Variants in SPAG16 observed in about 807,000 individuals in gnomAD.
SPAG16 encodes the protein sperm associated antigen 16, also known as sperm-associated antigen 16 protein.
Under a neutral mutation model 80.4 loss-of-function variants are expected in SPAG16, and 86 were observed. The ratio of observed to expected loss-of-function variants is 1.07; its 90% CI spans 0.90 to 1.28. The LOEUF (loss-of-function observed/expected upper bound fraction) is 1.28, where lower values mean the gene tolerates loss of function less well. Ranked by LOEUF, SPAG16 falls within the 50% of genes most tolerant of loss-of-function variation. The probability of loss-of-function intolerance (pLI) is 0.00; values close to 1 mark genes in which losing one functional copy is unlikely to be tolerated. For synonymous variants in SPAG16, 294 were observed against 265.9 expected, an observed-to-expected ratio of 1.11 and a Z score of -1.03; for missense variants, 870 against 765.3, an observed-to-expected ratio of 1.14 and a Z score of -1.61.
At chr2:213,371,262 A>T (rs1426516686) in intron 8 of SPAG16, among the ~76,000 whole-genome samples, 2 of 151,928 alleles carry the variant, frequency 1.3e-5, no homozygotes, top group African/African-American at 2.4e-5. Flanking sequence ...AAAATTAGCT[A>T]GGCATGATGG....
At chr2:214,220,723 CA>C in intron 15 of SPAG16, among the ~76,000 whole-genome samples, 1 of 152,242 alleles carries the variant, frequency 6.6e-6, no homozygotes, top group South Asian at 2.1e-4. Flanking sequence ...AATAAACCCC[CA>C]ACAAGTATTT....
At chr2:213,904,140 C>A (rs1417246653) in intron 11 of SPAG16, among the ~76,000 whole-genome samples, 1 of 152,214 alleles carries the variant, frequency 6.6e-6, no homozygotes, top group African/African-American at 2.4e-5. Context: ...GTTCCAACCT[C>A]TGCCTGTTAC....
At chr2:213,781,380 TAAAATA>T (rs2069954697) in intron 10 of SPAG16, among the ~76,000 whole-genome samples, 1 of 152,140 alleles carries the variant, frequency 6.6e-6, no homozygotes, top group African/African-American at 2.4e-5. Context: ...ATTACCTTGA[TAAAATA>T]AAAAGAAAAG....
chr2:213,293,666 C>T (rs146197804), intron 1 of SPAG16, among the ~76,000 whole-genome samples: 5 of 152,274 alleles, frequency 3.3e-5, no homozygotes, highest in African/African-American at 1.2e-4. Context: ...TCTAATTCTC[C>T]TGTTATTTTG....
At chr2:214,102,301 A>C (rs1229207117) in intron 13 of SPAG16, among the ~76,000 whole-genome samples, 1 of 152,082 alleles carries the variant, frequency 6.6e-6, no homozygotes, top group East Asian at 1.9e-4. Flanking sequence ...TAAGGAGAAA[A>C]ATTCATGAAG....
At chr2:214,207,494 C>T (rs2058175438) in intron 15 of SPAG16, among the ~76,000 whole-genome samples, 1 of 152,152 alleles carries the variant, frequency 6.6e-6, no homozygotes, top group Non-Finnish European at 1.5e-5. Flanking sequence ...GCTAGCAGTG[C>T]TGATCTATCT....
chr2:213,705,000 C>A (rs1310140770), intron 10 of SPAG16, among the ~76,000 whole-genome samples: 3 of 152,258 alleles, frequency 2.0e-5, no homozygotes, highest in Middle Eastern at 3.4e-3. Flanking sequence ...CGCCTGTAAT[C>A]CCAGCACTTT....
intron 11 of SPAG16, among the ~76,000 whole-genome samples, chr2:213,890,190 T>C (rs1453785697): frequency 6.6e-6 from 1 of 152,026 alleles, no homozygotes; most frequent in Non-Finnish European, 1.5e-5. Flanking sequence ...TTTTAGAAAA[T>C]TTCTAAGCTA....
chr2:213,344,196 C>T (rs1321036984), intron 6 of SPAG16, among the ~76,000 whole-genome samples: 2 of 151,998 alleles, frequency 1.3e-5, no homozygotes, highest in African/African-American at 4.8e-5. Flanking sequence ...ATTAAATAGC[C>T]AGGGGTAATT....
rs1201430323 is a variant in SPAG16, at chr2:214,253,561, A to G, written c.1720+104295A>G. Among the ~76,000 whole-genome samples the G allele has an allele frequency of 3.3e-5, 5 of 152,280 alleles. No individual in the cohort carries two copies. In the East Asian group the frequency reaches 7.7e-4, roughly 23 times the overall value. ...CCCAACACCATTTATTAAATAGGGA[A>G]TCCTTTCCCCATTGCTTGTTTCTGT... On this transcript the variant is annotated intron_variant, in intron 15 of 15. Transcript: ENST00000331683.
At chr2:213,489,498 A>G (rs1327176674) in intron 9 of SPAG16, among the ~76,000 whole-genome samples, 1 of 152,010 alleles carries the variant, frequency 6.6e-6, no homozygotes, top group Non-Finnish European at 1.5e-5. Flanking sequence ...ATTTAAAAAG[A>G]AAATCATAAT....
At chr2:214,004,574 A>G (rs2046942216) in intron 12 of SPAG16, among the ~76,000 whole-genome samples, 1 of 152,146 alleles carries the variant, frequency 6.6e-6, no homozygotes, top group Non-Finnish European at 1.5e-5. Flanking sequence ...GGGGCTTATC[A>G]TCAGGTGTGG....
chr2:213,756,778 T>TA (rs371603545), intron 10 of SPAG16, among the ~76,000 whole-genome samples: 3 of 150,072 alleles, frequency 2.0e-5, no homozygotes, highest in Non-Finnish European at 4.5e-5. Flanking sequence ...AGTTTTTTTT[T>TA]ATATGAAGAA....
chr2:213,494,979 C>T (rs2074417688), intron 10 of SPAG16, among the ~76,000 whole-genome samples: 1 of 152,208 alleles, frequency 6.6e-6, no homozygotes, highest in Non-Finnish European at 1.5e-5. Flanking sequence ...ATGTTACCTC[C>T]TCAGAGAGGC....
At chr2:214,059,438 T>C (rs1576018004) in intron 13 of SPAG16, among the ~76,000 whole-genome samples, 1 of 151,656 alleles carries the variant, frequency 6.6e-6, no homozygotes, top group African/African-American at 2.4e-5. Context: ...CTGTTTCTTA[T>C]GATTATCATA....
intron 13 of SPAG16, among the ~76,000 whole-genome samples, chr2:214,027,506 C>T (rs1408417487): frequency 6.6e-6 from 1 of 151,538 alleles, no homozygotes; most frequent in African/African-American, 2.4e-5. Flanking sequence ...CATTGAGATA[C>T]ATTTATAGGT....
chr2:214,064,522 C>G (rs1028464784), intron 13 of SPAG16, among the ~76,000 whole-genome samples: 1 of 151,938 alleles, frequency 6.6e-6, no homozygotes, highest in African/African-American at 2.4e-5. Context: ...ATTCTGACCT[C>G]CTTTTGTATA....
chr2:213,403,512 C>A (rs1368054780), intron 9 of SPAG16, among the ~76,000 whole-genome samples: 2 of 151,816 alleles, frequency 1.3e-5, no homozygotes, highest in Non-Finnish European at 2.9e-5. Context: ...CAGCAACCTT[C>A]ATGCTAAAAA....
chr2:213,317,410 G>C (rs934893785), intron 5 of SPAG16, 54 bp downstream of exon 5: 2 of 1,550,006 alleles, frequency 1.3e-6, no homozygotes, highest in South Asian at 1.2e-5. Flanking sequence ...CTAAATAAAA[G>C]AGTTGAGTGA....
Sources: allele counts gnomAD v4.1 joint callset (sites outside exome capture counted in the v4.1 genomes callset), GRCh38; gene constraint gnomAD v4.1.1; transcripts MANE v1.5; gene names NCBI Gene and HGNC (gene_info 2026-07-23, HGNC 2026-07-21).